TTN: variants seen among roughly 807,000 people sequenced by gnomAD.
The protein encoded by TTN is connectin.
A neutral mutation model predicts 3,223.0 loss-of-function variants in TTN; 1,525 were observed. That is an observed-to-expected ratio of 0.47 (90% CI 0.45 to 0.49). The LOEUF (loss-of-function observed/expected upper bound fraction) is 0.49. TTN is among the 20% of genes least tolerant of loss of function. TTN has a pLI of 0.00. For synonymous variants in TTN, 14,094 were observed against 15,161.0 expected, an observed-to-expected ratio of 0.93 and a Z score of 5.17; for missense variants, 40,786 against 43,424.0, an observed-to-expected ratio of 0.94 and a Z score of 5.40.
intron 66 of TTN, 46 bp from the exon 67 acceptor site, chr2:178,728,443 T>A: frequency 6.3e-7 from 1 of 1,580,712 alleles, no homozygotes; most frequent in Non-Finnish European, 8.6e-7. Context: ...CTCTTGCTAT[T>A]TGTTTACAAA....
intron 96 of TTN, 124 bp downstream of exon 96, chr2:178,711,820 A>G: frequency 8.9e-7 from 1 of 1,128,852 alleles, no homozygotes; most frequent in Non-Finnish European, 1.2e-6. Context: ...AACTGTAAAT[A>G]GGATTACTTA....
At position 178,632,345 on chromosome 2, in the gene TTN, T is replaced by C. The variant is rs2154220669; in HGVS notation, c.43549A>G (p.Thr14517Ala). The C allele has an allele frequency of 6.2e-7, 1 of 1,606,076 alleles. No homozygotes were observed. Among genetic ancestry groups the C allele is most frequent in the Non-Finnish European group, 8.5e-7 (1 of 1,175,888 alleles). ...TAKEKESAVF[T>A]VELSHDNIRV... ...ATGTTATCATGAGATAACTCCACAG[T>C]AAATACAGCACTTTCCTTCTCTTTG... The change falls in exon 236 of 363, where the codon ACT (threonine) becomes GCT (alanine). Residue 14517 changes from threonine (T) to alanine (A), a missense_variant. By Grantham distance (58) the Thr-to-Ala change is moderately conservative (BLOSUM62 0). Coordinates refer to ENST00000589042, the MANE Select transcript of TTN (RefSeq NM_001267550.2).
intron 147 of TTN, among the ~76,000 whole-genome samples, chr2:178,676,760 TATTA>T (rs1429768210): frequency 6.6e-6 from 1 of 151,936 alleles, no homozygotes; most frequent in African/African-American, 2.4e-5. Context: ...AAGACATAAC[TATTA>T]TTCTGTGTTT....
In TTN at chr2:178,621,801, C is replaced by T. The variant is rs765718152; in HGVS notation, c.45082+39G>A. The T allele has an allele frequency of 8.1e-6, 13 of 1,608,456 alleles. No individual in the cohort carries two copies. In the African/African-American group the frequency reaches 1.5e-4, roughly 18 times the overall value. On this transcript the variant is annotated intron_variant, in intron 244 of 362. Coordinates refer to ENST00000589042, the MANE Select transcript of TTN (RefSeq NM_001267550.2). ...TTAAGCTGGAAATTATTATTTTTTC[C>T]CAACACATATACTTCACAAAGAATG...
chr2:178,709,214 GTGA>G (rs1195494848), intron 99 of TTN, among the ~76,000 whole-genome samples: 1 of 151,982 alleles, frequency 6.6e-6, no homozygotes, highest in Non-Finnish European at 1.5e-5. Context: ...GTGATATTTG[GTGA>G]TGAACATTAA....
chr2:178,560,480 G>C lies in TTN; in HGVS notation c.85652C>G (p.Pro28551Arg). The C allele has an allele frequency of 6.2e-7, 1 of 1,613,160 alleles. No homozygotes were observed. The highest frequency in any genetic ancestry group is 8.5e-7 in the Non-Finnish European group (1 of 1,179,608). The stretch of plus-strand genomic sequence containing the variant: ...AATTTCCAAAGACGTGGGTGGACTT[G>C]GAACTGTAAATGGATCTAGTGCCTT... Reference protein sequence around the residue: ...AIKALDPFTVPSPPTSLEITS... With the variant: ...AIKALDPFTVRSPPTSLEITS... Residue 28551 changes from proline to arginine, a missense_variant, in exon 326 of 363, where the codon CCA (proline) becomes CGA (arginine). Transcript: ENST00000589042.
In TTN at chr2:178,602,397, C is replaced by T. The variant is rs1057522129; in HGVS notation, c.55005G>A (p.Val18335=). The change falls in exon 283 of 363, where the codon GTG becomes GTA. Residue 18335 remains valine (V), a synonymous_variant. Coordinates refer to ENST00000589042, the MANE Select transcript of TTN (RefSeq NM_001267550.2). ...PDKLITTCEC[V]VPNLKELRKY... The stretch of plus-strand genomic sequence containing the variant: ...TCCTGAGCTCTTTCAGATTAGGCAC[C>T]ACACATTCACAGGTAGTTATAAGTT... 3 of 1,612,742 alleles carry T rather than the reference C, an allele frequency of 1.9e-6. No homozygotes were observed. Among genetic ancestry groups the T allele is most frequent in the Admixed American group, 1.7e-5 (1 of 59,910 alleles).
At position 178,722,024 on chromosome 2, in the gene TTN, T is replaced by A. The variant is rs1437517914; in HGVS notation, c.22639A>T (p.Thr7547Ser). The change falls in exon 78 of 363, where the codon ACT (threonine) becomes TCT (serine). Residue 7547 changes from threonine to serine, a missense_variant. By Grantham distance (58) the Thr-to-Ser change is moderately conservative (BLOSUM62 1). Coordinates refer to ENST00000589042, the MANE Select transcript of TTN (RefSeq NM_001267550.2). ...HVTGAQPMRITWSKDNKEIRP... is the reference protein window; with the variant it reads ...HVTGAQPMRISWSKDNKEIRP... ...ATCTCCTTGTTATCTTTTGACCAAG[T>A]GATTCGCATCGGTTGAGCACCAGTA... is the stretch of plus-strand genomic sequence containing the variant. 1.2e-6 allele frequency: 2 copies of A among 1,613,452 alleles called. No homozygotes were observed. Among genetic ancestry groups the A allele is most frequent in the Non-Finnish European group, 1.7e-6 (2 of 1,179,590 alleles).
At chr2:178,771,098 CT>C in intron 34 of TTN, 112 bp downstream of exon 34, 1 of 1,519,332 alleles carries the variant, frequency 6.6e-7, no homozygotes, top group East Asian at 2.3e-5. Flanking sequence ...TCTAGAATGA[CT>C]TTATGAAATG....
chr2:178,627,649 T>G (rs2059236127), intron 240 of TTN, among the ~76,000 whole-genome samples: 1 of 151,788 alleles, frequency 6.6e-6, no homozygotes, highest in Non-Finnish European at 1.5e-5. Flanking sequence ...CTAGAAAAAA[T>G]TTTAGTTACA....
chr2:178,684,553 A>G (rs1439798629), intron 131 of TTN, 113 bp downstream of exon 131: 1 of 1,356,670 alleles, frequency 7.4e-7, no homozygotes, highest in Non-Finnish European at 1.0e-6. Context: ...CTCTACCCAA[A>G]GACACCATTG....
At chr2:178,695,012 G>A in intron 115 of TTN, 106 bp from the exon 116 acceptor site, 1 of 786,748 alleles carries the variant, frequency 1.3e-6, no homozygotes, top group East Asian at 2.7e-5. Flanking sequence ...ACACCTATAA[G>A]TGTATATGCA....
Position 178,733,727 on chromosome 2 carries a change from C to A in TTN, c.15662G>T (p.Gly5221Val), listed in dbSNP as rs771186700. The change falls in exon 53 of 363, where the codon GGT (glycine) becomes GTT (valine). Residue 5221 changes from glycine (G) to valine (V), a missense_variant. Transcript: ENST00000589042. ...DGKIKMSFSN[G>V]VAVLIIPDVQ... ...ATCAGGGATTATCAAGACTGCAACA[C>A]CATTGGAAAAGCTCATTTTGATTTT... 29 of 1,613,744 alleles carry A rather than the reference C, an allele frequency of 1.8e-5. No individual in the cohort carries two copies. Among genetic ancestry groups the A allele is most frequent in the Non-Finnish European group, 2.5e-5 (29 of 1,179,796 alleles).
chr2:178,636,816 T>C lies in TTN; in HGVS notation c.40928-17A>G, dbSNP rs1405140488. ...TGGGTACACCTAATTCAAAGTAAAA[T>C]AAAAAGTTGATTTGGCATCTCCTTA... On this transcript the variant is annotated splice_polypyrimidine_tract_variant and intron_variant, in intron 224 of 362. Coordinates refer to ENST00000589042, the MANE Select transcript of TTN (RefSeq NM_001267550.2). This position sits in a 1 kb window ranked among gnomAD's most constrained non-coding sequence, Gnocchi z 4.3. 6.5e-7 allele frequency: 1 copy of C among 1,541,132 alleles called. No individual in the cohort carries two copies. Among genetic ancestry groups the C allele is most frequent in the African/African-American group, 1.4e-5 (1 of 72,292 alleles).
rs1411093135 is a variant in TTN at position 178,563,278 on chromosome 2, T to C, written c.82854A>G (p.Thr27618=). ...GTAATCCTGTTGGTGGAGTGCAGGT[T>C]GTCCATTCATCCGCAGCAGCTTCTT... ...EVKEAAADEW[T]TCTPPTGLQG... is the part of the protein sequence containing the mutation. Residue 27618 remains threonine (T), a synonymous_variant, in exon 326 of 363, where the codon ACA becomes ACG. Transcript: ENST00000589042. This position sits in a 1 kb window ranked among gnomAD's most constrained non-coding sequence, Gnocchi z 4.5. 2 of 1,613,666 alleles carry C rather than the reference T, an allele frequency of 1.2e-6. No homozygotes were observed. The highest frequency in any genetic ancestry group is 3.3e-5 in the Admixed American group (2 of 59,984).
In TTN at chr2:178,608,452, G is replaced by C. The variant is rs1405202209; in HGVS notation, c.52431C>G (p.Pro17477=). The change falls in exon 275 of 363, where the codon CCC becomes CCG. Residue 17477 remains proline (P), a synonymous_variant. Coordinates refer to ENST00000589042, the MANE Select transcript of TTN (RefSeq NM_001267550.2). ...PFGPPDAPDK[P]IVEDVTSNSM... is the part of the protein sequence containing the mutation. Reference sequence around the variant, plus strand: ...TGTTGCTGGTAACATCTTCCACAATGGGCTTATCTGGTGCATCAGGTGGTC... The same window carrying C: ...TGTTGCTGGTAACATCTTCCACAATCGGCTTATCTGGTGCATCAGGTGGTC... The C allele has an allele frequency of 1.2e-6, 2 of 1,601,160 alleles. No individual in the cohort carries two copies. The highest frequency in any genetic ancestry group is 2.3e-5 in the South Asian group (2 of 88,806).
rs773862719 is a variant in TTN, at chr2:178,664,697, C to G, written c.36159G>C (p.Thr12053=). ...ALQEIVPEKK[T]LVVPLRKPEV... The stretch of plus-strand genomic sequence containing the variant: ...CAGGCTTTCTGAGAGGAACCACAAG[C>G]GTTTTCTTTTCAGGGACAATTTCTT... The change falls in exon 167 of 363, where the codon ACG becomes ACC. Residue 12053 remains threonine, a synonymous_variant. Transcript: ENST00000589042. The G allele has an allele frequency of 1.3e-5, 21 of 1,612,386 alleles. No homozygotes were observed. The highest frequency in any genetic ancestry group is 1.3e-5 in the Non-Finnish European group (15 of 1,179,674).
In TTN at chr2:178,709,716, G is replaced by T. The variant is rs778021049; in HGVS notation, c.28603C>A (p.Gln9535Lys). Residue 9535 changes from glutamine (Q) to lysine (K), a missense_variant, in exon 99 of 363, where the codon CAA (glutamine) becomes AAA (lysine). Physicochemically the swap from Gln to Lys is moderately conservative, Grantham distance 53. Transcript: ENST00000589042. ...VAWYKNNIEIQPTSNCEITFK... is the reference protein window; with the variant it reads ...VAWYKNNIEIKPTSNCEITFK... The stretch of plus-strand genomic sequence containing the variant: ...GTTATTTCACAGTTAGAAGTTGGTT[G>T]TATCTCTATATTATTTTTGTACCAG... 2.5e-6 allele frequency: 4 copies of T among 1,613,882 alleles called. No individual in the cohort carries two copies. The East Asian group carries it at 6.7e-5, about 27-fold the overall frequency.
Position 178,795,224 on chromosome 2 carries a change from T to C in TTN, c.943A>G (p.Thr315Ala). 3 of 1,613,900 alleles carry C rather than the reference T, an allele frequency of 1.9e-6. No homozygotes were observed. Among genetic ancestry groups the C allele is most frequent in the South Asian group, 2.2e-5 (2 of 91,074 alleles). Residue 315 changes from threonine (T) to alanine (A), a missense_variant, in exon 7 of 363, where the codon ACA becomes GCA. Coordinates refer to ENST00000589042, the MANE Select transcript of TTN (RefSeq NM_001267550.2). ...GACCTAACAGACCTGATGGGGGATGTGGAGATTCTTGCTGCTGGAGACACG... is the reference window on the plus strand; with the variant it reads ...GACCTAACAGACCTGATGGGGGATGCGGAGATTCTTGCTGCTGGAGACACG... ...RSVSPAARIS[T>A]SPIRSVRSPL...
Sources: allele counts gnomAD v4.1 joint callset (sites outside exome capture counted in the v4.1 genomes callset), GRCh38; gene constraint gnomAD v4.1.1; non-coding constraint Gnocchi (gnomAD v3.1); transcripts MANE v1.5; gene names NCBI Gene and HGNC (gene_info 2026-07-23, HGNC 2026-07-21).